LRP1B: variants seen among roughly 807,000 people sequenced by gnomAD.
LRP1B encodes low-density lipoprotein receptor-related protein 1B.
A neutral mutation model predicts 556.6 loss-of-function variants in LRP1B; 217 were observed. The ratio of observed to expected loss-of-function variants is 0.39; its 90% CI spans 0.35 to 0.44. LRP1B has a LOEUF of 0.44. Among genes scored for constraint, LRP1B ranks in the 20% least tolerant of loss-of-function variants. The pLI, the probability that LRP1B is intolerant of heterozygous loss-of-function variation, is 1.00. For synonymous variants in LRP1B, 2,047 were observed against 1,865.8 expected, an observed-to-expected ratio of 1.10 and a Z score of -2.50; for missense variants, 5,053 against 5,620.8, an observed-to-expected ratio of 0.90 and a Z score of 3.23.
At chr2:141,436,081 C>CA (rs1680754803) in intron 3 of LRP1B, among the ~76,000 whole-genome samples, 1 of 152,068 alleles carries the variant, frequency 6.6e-6, no homozygotes, top group Non-Finnish European at 1.5e-5. Flanking sequence ...TCTGTTCTTT[C>CA]AAAAATTTAG....
intron 35 of LRP1B, among the ~76,000 whole-genome samples, chr2:140,748,457 C>T (rs376251247): frequency 2.4e-3 from 187 of 77,968 alleles, no homozygotes; most frequent in South Asian, 6.3e-3. Flanking sequence ...TATATATATA[C>T]ACACACATAG....
chr2:140,702,696 CT>C, intron 37 of LRP1B, 143 bp from the exon 38 acceptor site: 2 of 697,480 alleles, frequency 2.9e-6, no homozygotes. Context: ...ATACAGTGTG[CT>C]TATGGTTCCG....
At chr2:141,918,818 A>G (rs1336550829) in intron 1 of LRP1B, among the ~76,000 whole-genome samples, 3 of 152,172 alleles carry the variant, frequency 2.0e-5, no homozygotes, top group Admixed American at 1.3e-4. Flanking sequence ...GACCACAAGC[A>G]TTGAATTAGC....
intron 60 of LRP1B, among the ~76,000 whole-genome samples, chr2:140,464,638 A>G (rs1188157942): frequency 6.6e-6 from 1 of 152,216 alleles, no homozygotes; most frequent in Non-Finnish European, 1.5e-5. Context: ...TGCACTTGGT[A>G]AAGTATATTC....
chr2:140,780,774 A>C, intron 32 of LRP1B, among the ~76,000 whole-genome samples: 1 of 152,220 alleles, frequency 6.6e-6, no homozygotes, highest in East Asian at 1.9e-4. Context: ...GATAATAAAA[A>C]AAAGATTTTT....
Position 141,310,511 on chromosome 2 carries a change from G to T in LRP1B, c.344-55870C>A, listed in dbSNP as rs187694888. Among the ~76,000 whole-genome samples the T allele has an allele frequency of 9.9e-5, 15 of 152,208 alleles. No individual in the cohort carries two copies. The East Asian group carries it at 1.7e-3, about 18-fold the overall frequency. On this transcript the variant is annotated intron_variant, in intron 3 of 90. Transcript: ENST00000389484. ...CATCATTTTATGTGATGATTGGAGA[G>T]ATCAAGTTCTAACAAGTGACACCTA...
At chr2:142,105,848 A>C (rs916201119) in intron 1 of LRP1B, among the ~76,000 whole-genome samples, 6 of 152,160 alleles carry the variant, frequency 3.9e-5, no homozygotes, top group African/African-American at 1.4e-4. Context: ...ATGTTCCTTA[A>C]GGTTGTATAC....
At chr2:142,086,621 A>G in intron 1 of LRP1B, among the ~76,000 whole-genome samples, 1 of 27,890 alleles carries the variant, frequency 3.6e-5, no homozygotes, top group Non-Finnish European at 1.2e-4. Flanking sequence ...AAAAACAAAC[A>G]AACAAACAAA....
At chr2:140,917,900 T>C (rs1199900937) in intron 21 of LRP1B, among the ~76,000 whole-genome samples, 8 of 152,200 alleles carry the variant, frequency 5.3e-5, no homozygotes, top group African/African-American at 1.9e-4. Flanking sequence ...ATGTACCACT[T>C]TGGTGCAGTA....
At chr2:141,877,198 G>GT (rs921699388) in intron 1 of LRP1B, among the ~76,000 whole-genome samples, 2 of 151,808 alleles carry the variant, frequency 1.3e-5, no homozygotes, top group Non-Finnish European at 2.9e-5. Context: ...TTAAACATTA[G>GT]TTTTTTTTCC....
At chr2:141,618,772 C>T (rs1406044959) in intron 2 of LRP1B, among the ~76,000 whole-genome samples, 1 of 152,128 alleles carries the variant, frequency 6.6e-6, no homozygotes, top group Non-Finnish European at 1.5e-5. Context: ...AATATATGGA[C>T]CTAGATGGCT....
intron 2 of LRP1B, among the ~76,000 whole-genome samples, chr2:141,691,694 T>C (rs1691538337): frequency 6.6e-6 from 1 of 151,952 alleles, no homozygotes; most frequent in African/African-American, 2.4e-5. Flanking sequence ...GGAACACCTG[T>C]ATGTATGATT....
chr2:140,573,869 T>A (rs1465025386), intron 43 of LRP1B, among the ~76,000 whole-genome samples: 1 of 152,066 alleles, frequency 6.6e-6, no homozygotes, highest in East Asian at 1.9e-4. Context: ...TCTCACACTT[T>A]GAACTATTTC....
intron 6 of LRP1B, among the ~76,000 whole-genome samples, chr2:141,205,750 GA>G (rs1462243712): frequency 6.6e-6 from 1 of 151,964 alleles, no homozygotes; most frequent in Non-Finnish European, 1.5e-5. Context: ...AAATGTCTTT[GA>G]AAAAAATTTA....
intron 2 of LRP1B, among the ~76,000 whole-genome samples, chr2:141,581,294 TA>T (rs1444880403): frequency 6.6e-6 from 1 of 152,222 alleles, no homozygotes; most frequent in Non-Finnish European, 1.5e-5. Context: ...GAGAATTGTT[TA>T]AAAACGATTT....
chr2:141,679,767 G>A (rs1271671023), intron 2 of LRP1B, among the ~76,000 whole-genome samples: 1 of 151,946 alleles, frequency 6.6e-6, no homozygotes, highest in East Asian at 1.9e-4. Context: ...AAGCAAAGTA[G>A]ATCTGCATGT....
At chr2:141,437,543 A>G (rs920732676) in intron 3 of LRP1B, among the ~76,000 whole-genome samples, 2 of 152,126 alleles carry the variant, frequency 1.3e-5, no homozygotes, top group Non-Finnish European at 2.9e-5. Flanking sequence ...AATACAAAGT[A>G]TATAAAATTA....
intron 35 of LRP1B, among the ~76,000 whole-genome samples, chr2:140,739,362 CA>C (rs56217594): frequency 0.45 from 66,429 of 146,584 alleles, 15,704 homozygotes; most frequent in Non-Finnish European, 0.55. Context: ...TGCAAAGAGT[CA>C]AAAAAAAAAA....
chr2:142,112,587 G>A (rs1483762585), intron 1 of LRP1B, among the ~76,000 whole-genome samples: 1 of 152,072 alleles, frequency 6.6e-6, no homozygotes. Flanking sequence ...GCATGGCATT[G>A]CTCTGTGATT....
Sources: allele counts gnomAD v4.1 joint callset (sites outside exome capture counted in the v4.1 genomes callset), GRCh38; gene constraint gnomAD v4.1.1; transcripts MANE v1.5; gene names NCBI Gene and HGNC (gene_info 2026-07-23, HGNC 2026-07-21).